The following TTC23L variants were observed in gnomAD, a reference collection of about 807,000 sequenced individuals.
TTC23L encodes the protein tetratricopeptide repeat protein 23-like.
TTC23L carries 42 observed loss-of-function variants against 48.1 expected under a neutral mutation model. The ratio of observed to expected loss-of-function variants is 0.87; its 90% CI spans 0.68 to 1.13. The LOEUF (loss-of-function observed/expected upper bound fraction) is 1.13. TTC23L is among the 50% of genes most tolerant of loss of function. TTC23L has a pLI of 0.00. For synonymous variants in TTC23L, 159 were observed against 157.2 expected (o/e 1.01, Z -0.09); for missense variants, 391 against 421.0 (o/e 0.93, Z 0.62).
intron 4 of TTC23L, among the ~76,000 whole-genome samples, chr5:34,859,714 A>G (rs1201603488): frequency 6.6e-6 from 1 of 152,104 alleles, no homozygotes; most frequent in African/African-American, 2.4e-5. Context: ...TCTGTTCTTT[A>G]TAAATTACCT....
intron 8 of TTC23L, chr5:34,869,645 C>G (rs1013411674): frequency 6.6e-6 from 1 of 152,174 alleles, no homozygotes. Context: ...AGTGGCCTGT[C>G]AGGAGGAATT....
At chr5:34,909,136 T>C in the TTC23L span, 2 of 913,128 alleles carry the variant, frequency 2.2e-6, no homozygotes, top group East Asian at 5.1e-5. Flanking sequence ...AGCACTCTAC[T>C]ATTCATTTTT....
intron 9 of TTC23L, among the ~76,000 whole-genome samples, chr5:34,881,767 GT>G (rs562919287): frequency 0.075 from 9,983 of 133,652 alleles, 278 homozygotes; most frequent in South Asian, 0.1. Flanking sequence ...TTAGAAGACT[GT>G]TTTTTTTTTT....
At chr5:34,912,334 A>C in the TTC23L span, among the ~76,000 whole-genome samples, 1 of 152,214 alleles carries the variant, frequency 6.6e-6, no homozygotes, top group Admixed American at 6.5e-5. Context: ...GAGGGTTGTT[A>C]ATGGTGGTGT....
At chr5:34,840,242 G>GA (rs949747515) in intron 1 of TTC23L, among the ~76,000 whole-genome samples, 2 of 143,082 alleles carry the variant, frequency 1.4e-5, no homozygotes, top group South Asian at 4.7e-4. Flanking sequence ...GACCCCGGGG[G>GA]GGGGGGGGAA....
At chr5:34,850,425 C>A in intron 4 of TTC23L, 117 bp downstream of exon 4, 1 of 1,271,154 alleles carries the variant, frequency 7.9e-7, no homozygotes, top group Non-Finnish European at 1.1e-6. Context: ...CTAGCTCACA[C>A]ATTATCAGGA....
chr5:34,909,362 G>A, the TTC23L span: 14 of 1,555,366 alleles, frequency 9.0e-6, no homozygotes, highest in Non-Finnish European at 1.2e-5. Context: ...ATAACCTATA[G>A]AAAATGATTA....
chr5:34,920,186 TC>T, the TTC23L span: 1 of 182,016 alleles, frequency 5.5e-6, no homozygotes. Flanking sequence ...CAAAAAATTA[TC>T]AGTCAACATA....
At chr5:34,885,722 G>C (rs375257636) in intron 9 of TTC23L, among the ~76,000 whole-genome samples, 11 of 147,164 alleles carry the variant, frequency 7.5e-5, no homozygotes, top group Middle Eastern at 3.4e-3. Context: ...ACGCCAGCCT[G>C]AGCAACAGAG....
At chr5:34,893,470 C>T (rs867543398) in intron 9 of TTC23L, among the ~76,000 whole-genome samples, 1 of 152,060 alleles carries the variant, frequency 6.6e-6, no homozygotes, top group Non-Finnish European at 1.5e-5. Context: ...ACATGTGAAA[C>T]AAGAAGGCTT....
chr5:34,860,183 T>A (rs2150387423), intron 4 of TTC23L, among the ~76,000 whole-genome samples: 1 of 152,182 alleles, frequency 6.6e-6, no homozygotes, highest in East Asian at 1.9e-4. Context: ...TTCCCTTCAG[T>A]CATCTTTCTA....
chr5:34,889,344 C>T lies in TTC23L; in HGVS notation c.1078-7426C>T, dbSNP rs1294687780. On this transcript the variant is annotated intron_variant, in intron 9 of 10. Transcript: ENST00000505624. Reference sequence around the variant, plus strand: ...CTCAAATAAGTGTGACTCTAAAGGCCATGTGTTTTTCCCTGAGAGCCCTCT... The same window carrying T: ...CTCAAATAAGTGTGACTCTAAAGGCTATGTGTTTTTCCCTGAGAGCCCTCT... 2.0e-5 allele frequency among the ~76,000 whole-genome samples: 3 copies of T among 152,142 alleles called. No homozygotes were observed. The East Asian group carries it at 5.8e-4, about 29-fold the overall frequency.
At chr5:34,924,209 G>C in the TTC23L span, among the ~76,000 whole-genome samples, 2 of 152,212 alleles carry the variant, frequency 1.3e-5, no homozygotes, top group African/African-American at 4.8e-5. Flanking sequence ...GAAAGATGAA[G>C]AGGTGGAAGA....
At chr5:34,901,874 T>C (rs1763519450), downstream of TTC23L, among the ~76,000 whole-genome samples, 1 of 152,190 alleles carries the variant, frequency 6.6e-6, no homozygotes, top group Non-Finnish European at 1.5e-5. Flanking sequence ...GATTACTCTT[T>C]CCATCCCACT....
At chr5:34,884,632 T>A (rs949810506) in intron 9 of TTC23L, among the ~76,000 whole-genome samples, 2 of 151,968 alleles carry the variant, frequency 1.3e-5, no homozygotes, top group Non-Finnish European at 2.9e-5. Context: ...TGTATTTTTA[T>A]ATGCTAACGT....
the TTC23L span, among the ~76,000 whole-genome samples, chr5:34,915,119 TTATC>T: frequency 6.6e-6 from 1 of 152,020 alleles, no homozygotes; most frequent in African/African-American, 2.4e-5. Flanking sequence ...TGGAGGAAAA[TTATC>T]TAAGCTACGG....
chr5:34,887,675 T>C (rs1762621128), intron 9 of TTC23L, among the ~76,000 whole-genome samples: 1 of 152,082 alleles, frequency 6.6e-6, no homozygotes, highest in African/African-American at 2.4e-5. Flanking sequence ...TTGATAAACT[T>C]AAAAAGCTCT....
intron 7 of TTC23L, chr5:34,868,678 C>G (rs936195043): frequency 2.4e-6 from 1 of 413,542 alleles, no homozygotes; most frequent in Non-Finnish European, 4.5e-6. Context: ...GAACTTACCA[C>G]GTGATGAGCA....
At chr5:34,923,310 G>A in the TTC23L span, 667 of 1,188,640 alleles carry the variant, frequency 5.6e-4, 6 homozygotes, top group African/African-American at 8.9e-3. Context: ...ACAGAGTCTC[G>A]CTCTTGTTGC....
Sources: allele counts gnomAD v4.1 joint callset (sites outside exome capture counted in the v4.1 genomes callset), GRCh38; gene constraint gnomAD v4.1.1; transcripts MANE v1.5; gene names NCBI Gene and HGNC (gene_info 2026-07-23, HGNC 2026-07-21).